Variants in ACOT1 observed in about 807,000 individuals in gnomAD.
The protein encoded by ACOT1 is acyl-CoA thioesterase 1.
Under a neutral mutation model 15.7 loss-of-function variants are expected in ACOT1, and 8 were observed. That is an observed-to-expected ratio of 0.51 (90% CI 0.30 to 0.92). The LOEUF (loss-of-function observed/expected upper bound fraction) is 0.92. Among genes scored for constraint, ACOT1 ranks in the 40% least tolerant of loss-of-function variants. The pLI, the probability that ACOT1 is intolerant of heterozygous loss-of-function variation, is 0.06. For synonymous variants in ACOT1, 67 were observed against 241.2 expected (o/e 0.28, Z 6.69); for missense variants, 151 against 539.4 (o/e 0.28, Z 7.13).
At chr14:73,515,090 A>C in the ACOT1 span, among the ~76,000 whole-genome samples, 1 of 151,998 alleles carries the variant, frequency 6.6e-6, no homozygotes, top group Non-Finnish European at 1.5e-5. Context: ...ACAAAAAAAA[A>C]ACTATAGTTA....
chr14:73,491,187 C>A, the ACOT1 span: 2 of 1,597,688 alleles, frequency 1.3e-6, no homozygotes, highest in South Asian at 2.3e-5. Context: ...AGGACGCAGA[C>A]GCTGCCTAGC....
the ACOT1 span, chr14:73,517,215 A>G: frequency 6.6e-6 from 1 of 152,278 alleles, no homozygotes; most frequent in Non-Finnish European, 1.5e-5. Flanking sequence ...GCGTGCCACC[A>G]TGCCCAACTA....
chr14:73,503,960 A>G, the ACOT1 span, among the ~76,000 whole-genome samples: 5 of 152,286 alleles, frequency 3.3e-5, no homozygotes, highest in South Asian at 6.2e-4. Flanking sequence ...TCAGTTGTCA[A>G]TTCTAAGTGA....
the ACOT1 span, among the ~76,000 whole-genome samples, chr14:73,509,866 A>ATATTTATT: frequency 2.2e-4 from 15 of 67,512 alleles, no homozygotes; most frequent in Non-Finnish European, 3.3e-4. Flanking sequence ...ATATATATAT[A>ATATTTATT]TATTTATTTA....
At chr14:73,504,409 A>AT in the ACOT1 span, among the ~76,000 whole-genome samples, 1 of 151,558 alleles carries the variant, frequency 6.6e-6, no homozygotes, top group African/African-American at 2.4e-5. Flanking sequence ...CACCCGCCTA[A>AT]TTTTTTTTAT....
the ACOT1 span, chr14:73,491,505 C>T: frequency 2.0e-6 from 3 of 1,513,850 alleles, no homozygotes; most frequent in Admixed American, 2.1e-5. Flanking sequence ...TCGTCCGGGG[C>T]CCCTGCGACG....
chr14:73,518,683 G>T, the ACOT1 span, among the ~76,000 whole-genome samples: 1 of 152,160 alleles, frequency 6.6e-6, no homozygotes, highest in Non-Finnish European at 1.5e-5. Context: ...AGAATGCTGG[G>T]TCAGGAGTTT....
chr14:73,508,576 C>A, the ACOT1 span, among the ~76,000 whole-genome samples: 1 of 151,796 alleles, frequency 6.6e-6, no homozygotes, highest in South Asian at 2.1e-4. Context: ...TGGTAAAACC[C>A]CATCTCTACT....
Position 73,539,078 on chromosome 14 carries a change from G to T in ACOT1, c.457+1200G>T, listed in dbSNP as rs1363174029. ...AAGTCACTTTTTTTTTTAATAAAAA[G>T]AATTCCAACTGGTTTTCTCACTGTA... On this transcript the variant is annotated intron_variant, in intron 1 of 2. Coordinates refer to ENST00000311148, the MANE Select transcript of ACOT1 (RefSeq NM_001037161.2). 2 of 114,996 alleles carry T rather than the reference G, an allele frequency of 1.7e-5. 1 individual carries two copies. Among genetic ancestry groups the T allele is most frequent in the African/African-American group, 5.7e-5 (2 of 35,378 alleles). The allele number at this position is 114,996 out of a possible 1,614,324, so 7.1% of individuals were successfully genotyped here. A position where few individuals can be genotyped will look rare whatever the true frequency, so the allele number is the denominator to read the frequency against.
At chr14:73,498,112 G>A in the ACOT1 span, 3 of 1,530,092 alleles carry the variant, frequency 2.0e-6, no homozygotes, top group South Asian at 1.2e-5. Flanking sequence ...TGTGAGAGTT[G>A]GCAGTATAAG....
At chr14:73,523,185 G>T in the ACOT1 span, 2 of 1,529,422 alleles carry the variant, frequency 1.3e-6, no homozygotes, top group East Asian at 4.8e-5. Flanking sequence ...CTTCCACACT[G>T]CCTGGCCTAG....
the ACOT1 span, chr14:73,523,218 C>G: frequency 1.4e-6 from 2 of 1,452,744 alleles, no homozygotes; most frequent in Admixed American, 2.3e-5. Context: ...GAGATGAGAC[C>G]TGGCACCTGT....
the ACOT1 span, chr14:73,491,534 G>T: frequency 6.5e-7 from 1 of 1,529,608 alleles, no homozygotes; most frequent in Non-Finnish European, 8.8e-7. Context: ...GCCGCAGGTG[G>T]ATAACACGGG....
the ACOT1 span, chr14:73,495,434 A>G: frequency 6.8e-7 from 1 of 1,473,482 alleles, no homozygotes; most frequent in South Asian, 1.2e-5. Flanking sequence ...AAACACCTGT[A>G]CTAGGCAGCA....
the ACOT1 span, chr14:73,502,893 A>C: frequency 6.2e-7 from 1 of 1,607,324 alleles, no homozygotes; most frequent in South Asian, 1.1e-5. Context: ...ACTGGGTCTT[A>C]CCTGATTATG....
At chr14:73,518,413 A>T in the ACOT1 span, among the ~76,000 whole-genome samples, 1 of 141,888 alleles carries the variant, frequency 7.0e-6, no homozygotes, top group Non-Finnish European at 1.5e-5. Flanking sequence ...CCAAAAAAAG[A>T]AAAAAAAAAA....
chr14:73,504,270 C>T, the ACOT1 span, among the ~76,000 whole-genome samples: 55 of 148,264 alleles, frequency 3.7e-4, 1 homozygote, highest in Non-Finnish European at 1.3e-4. Context: ...TGAGACGGAG[C>T]CTCGCTCTGT....
At chr14:73,500,782 A>C in the ACOT1 span, 1 of 1,525,274 alleles carries the variant, frequency 6.6e-7, no homozygotes, top group Non-Finnish European at 9.0e-7. Flanking sequence ...TCAGTACCTA[A>C]CCCCCAACCC....
chr14:73,522,912 G>A, the ACOT1 span: 18 of 1,614,112 alleles, frequency 1.1e-5, no homozygotes, highest in East Asian at 1.1e-4. Flanking sequence ...GGCAGGCCTC[G>A]CTGCCACACC....
Sources: allele counts gnomAD v4.1 joint callset (sites outside exome capture counted in the v4.1 genomes callset), GRCh38; gene constraint gnomAD v4.1.1; transcripts MANE v1.5; gene names NCBI Gene and HGNC (gene_info 2026-07-23, HGNC 2026-07-21).